Variants in SH3KBP1 observed in about 807,000 individuals in gnomAD.
SH3KBP1 encodes SH3 domain containing kinase binding protein 1.
In SH3KBP1, 8 loss-of-function variants were observed where a neutral mutation model predicts 50.1. That is an observed-to-expected ratio of 0.16 (90% CI 0.09 to 0.29). SH3KBP1 has a LOEUF of 0.29. Ranked by LOEUF, SH3KBP1 falls within the 10% of genes least tolerant of loss-of-function variation. The pLI is 1.00. For missense variants in SH3KBP1, 377 were observed against 535.2 expected, an observed-to-expected ratio of 0.70 and a Z score of 2.92; for synonymous variants, 227 against 218.6, an observed-to-expected ratio of 1.04 and a Z score of -0.34.
At chrX:19,698,468 A>C (rs2063472218) in intron 4 of SH3KBP1, among the ~76,000 whole-genome samples, 2 of 112,288 alleles carry the variant, frequency 1.8e-5, no homozygotes, top group Non-Finnish European at 3.8e-5. Context: ...GTCACAGCAC[A>C]GTCTGAGAAG....
intron 3 of SH3KBP1, among the ~76,000 whole-genome samples, chrX:19,718,400 C>T (rs749496239): frequency 1.2e-4 from 13 of 111,536 alleles, no homozygotes; most frequent in Non-Finnish European, 1.7e-4. Context: ...TATATGTACA[C>T]GGACACACTT....
At chrX:19,749,708 G>T (rs963681850) in intron 2 of SH3KBP1, among the ~76,000 whole-genome samples, 2 of 112,731 alleles carry the variant, frequency 1.8e-5, no homozygotes, top group Middle Eastern at 9.2e-3. Context: ...GTTCTCTCAG[G>T]AGTAGTGAAA....
chrX:19,714,839 T>C (rs184298547), intron 3 of SH3KBP1, among the ~76,000 whole-genome samples: 1 of 112,469 alleles, frequency 8.9e-6, no homozygotes, highest in African/African-American at 3.2e-5. Flanking sequence ...TTCTAGATAA[T>C]AGCATGTTAA....
At chrX:19,608,232 G>A (rs780543289) in intron 8 of SH3KBP1, among the ~76,000 whole-genome samples, 187 bp from the exon 9 acceptor site, 1 of 111,345 alleles carries the variant, frequency 9.0e-6, no homozygotes, top group African/African-American at 3.3e-5. Flanking sequence ...TAACAATGTC[G>A]GCTGGTACTC....
intron 14 of SH3KBP1, among the ~76,000 whole-genome samples, chrX:19,548,427 G>A (rs982400788): frequency 3.6e-5 from 4 of 111,117 alleles, no homozygotes; most frequent in African/African-American, 6.6e-5. Flanking sequence ...TAAACAGGTC[G>A]TGGGTATAAG....
intron 4 of SH3KBP1, among the ~76,000 whole-genome samples, chrX:19,699,097 A>G (rs2063487375): frequency 9.0e-6 from 1 of 111,502 alleles, no homozygotes; most frequent in Non-Finnish European, 1.9e-5. Flanking sequence ...AATTCCACCA[A>G]TATTTAGTAA....
chrX:19,856,121 A>T (rs185351395), intron 1 of SH3KBP1, among the ~76,000 whole-genome samples: 67 of 102,355 alleles, frequency 6.5e-4, no homozygotes, highest in African/African-American at 1.2e-3. Flanking sequence ...GAAAGCTTTT[A>T]AAAAAAAAAA....
At chrX:19,849,816 A>G (rs2068459642) in intron 1 of SH3KBP1, among the ~76,000 whole-genome samples, 1 of 111,980 alleles carries the variant, frequency 8.9e-6, no homozygotes, top group Non-Finnish European at 1.9e-5. Flanking sequence ...TTGAACTTAA[A>G]TGTCTGATGA....
chrX:19,538,963 T>C (rs2064804518), intron 16 of SH3KBP1, among the ~76,000 whole-genome samples: 1 of 112,610 alleles, frequency 8.9e-6, no homozygotes, highest in South Asian at 3.6e-4. Context: ...CATAAAATCC[T>C]ACACAGTAAG....
intron 6 of SH3KBP1, among the ~76,000 whole-genome samples, chrX:19,650,445 T>C (rs1454559361): frequency 9.0e-6 from 1 of 111,176 alleles, no homozygotes; most frequent in African/African-American, 3.3e-5. Context: ...AATAAAACCA[T>C]CAGATCTCAT....
At chrX:19,682,932 C>T (rs1181973452) in intron 6 of SH3KBP1, among the ~76,000 whole-genome samples, 4 of 108,242 alleles carry the variant, frequency 3.7e-5, no homozygotes, top group Non-Finnish European at 5.7e-5. Context: ...AACAACAACA[C>T]TTAAAAGCCA....
At chrX:19,807,601 T>C (rs2067086608) in intron 2 of SH3KBP1, among the ~76,000 whole-genome samples, 2 of 111,727 alleles carry the variant, frequency 1.8e-5, no homozygotes, top group African/African-American at 6.5e-5. Flanking sequence ...CATGTTTCAC[T>C]ATCTATAATT....
At chrX:19,845,588 G>GA (rs1437260903) in intron 1 of SH3KBP1, among the ~76,000 whole-genome samples, 1 of 110,765 alleles carries the variant, frequency 9.0e-6, no homozygotes, top group Non-Finnish European at 1.9e-5. Flanking sequence ...TCACGGAGGG[G>GA]AAAAATCAGT....
At chrX:19,684,572 G>A (rs2063126279) in intron 5 of SH3KBP1, among the ~76,000 whole-genome samples, 1 of 112,595 alleles carries the variant, frequency 8.9e-6, no homozygotes, top group South Asian at 3.6e-4. Context: ...CTTTTTGGAT[G>A]GCTTCACAAG....
At chrX:19,562,552 T>G (rs772989622) in intron 13 of SH3KBP1, among the ~76,000 whole-genome samples, 29 of 111,662 alleles carry the variant, frequency 2.6e-4, no homozygotes, top group African/African-American at 9.1e-4. Context: ...CTTAAATCTG[T>G]AGGTACACCC....
At chrX:19,814,685 C>T (rs1234182919) in intron 2 of SH3KBP1, among the ~76,000 whole-genome samples, 1 of 111,394 alleles carries the variant, frequency 9.0e-6, no homozygotes, top group Non-Finnish European at 1.9e-5. Context: ...CCTTTCCTGG[C>T]CTCCCTATCA....
At chrX:19,586,372 A>T (rs2066566357) in intron 12 of SH3KBP1, among the ~76,000 whole-genome samples, 1 of 112,509 alleles carries the variant, frequency 8.9e-6, no homozygotes. Flanking sequence ...TAGCCCCTGG[A>T]GACTAATAGA....
rs1044071148 is a variant in SH3KBP1 at position 19,694,933 on chromosome X, G to A, written c.520+679C>T. 4 of 995,272 alleles carry A rather than the reference G, an allele frequency of 4.0e-6. No homozygotes were observed. In the African/African-American group the frequency reaches 7.6e-5, roughly 19 times the overall value. 82.0% of individuals were successfully genotyped at this position (995,272 alleles called of 1,213,427 possible). On this transcript the variant is annotated intron_variant, in intron 5 of 17. Coordinates refer to ENST00000397821, the MANE Select transcript of SH3KBP1 (RefSeq NM_031892.3). ...ATGACCTTGGCTCAAGACAGCACAA[G>A]AGATACACAGACGCCCACAGTTGGG...
rs184376242 is a variant in SH3KBP1 at position 19,801,569 on chromosome X, G to T, written c.162+34556C>A. Among the ~76,000 whole-genome samples, 24 of 111,857 alleles carry T rather than the reference G, an allele frequency of 2.1e-4. No individual in the cohort carries two copies. In the Middle Eastern group the frequency reaches 0.014, roughly 64 times the overall value. Reference sequence around the variant, plus strand: ...AAACATTCTCCTTAAAGAAAAAGGAGAAATTACAAAGGTGAGTGGTTGCCT... The same window carrying T: ...AAACATTCTCCTTAAAGAAAAAGGATAAATTACAAAGGTGAGTGGTTGCCT... On this transcript the variant is annotated intron_variant, in intron 2 of 17. Coordinates refer to ENST00000397821, the MANE Select transcript of SH3KBP1 (RefSeq NM_031892.3).
Sources: allele counts gnomAD v4.1 joint callset (sites outside exome capture counted in the v4.1 genomes callset), GRCh38; gene constraint gnomAD v4.1.1; transcripts MANE v1.5; gene names NCBI Gene and HGNC (gene_info 2026-07-23, HGNC 2026-07-21).